UTS2: variants seen among roughly 807,000 people sequenced by gnomAD.
UTS2 encodes urotensin 2, also known as urotensin-2.
In UTS2, 10 loss-of-function variants were observed where a neutral mutation model predicts 12.6. The observed-to-expected ratio is 0.80, with a 90% CI of 0.49 to 1.35. The LOEUF (loss-of-function observed/expected upper bound fraction) is 1.35, where lower values mean the gene tolerates loss of function less well. Ranked by LOEUF, UTS2 falls within the 40% of genes most tolerant of loss-of-function variation. The pLI, the probability that UTS2 is intolerant of heterozygous loss-of-function variation, is 0.00. For synonymous variants in UTS2, 52 were observed against 50.0 expected, an observed-to-expected ratio of 1.04 and a Z score of -0.17; for missense variants, 142 against 143.2, an observed-to-expected ratio of 0.99 and a Z score of 0.04.
the UTS2 span, among the ~76,000 whole-genome samples, chr1:7,893,237 G>T: frequency 2.0e-5 from 3 of 152,212 alleles, no homozygotes; most frequent in Non-Finnish European, 4.4e-5. Context: ...TTTAGGCCGG[G>T]CGCAGTGGCT....
chr1:7,893,053 C>T, the UTS2 span, among the ~76,000 whole-genome samples: 1 of 152,168 alleles, frequency 6.6e-6, no homozygotes, highest in Non-Finnish European at 1.5e-5. Flanking sequence ...ATGCTCCTAG[C>T]TCGTAGCACA....
the UTS2 span, among the ~76,000 whole-genome samples, chr1:7,884,685 A>G: frequency 6.6e-6 from 1 of 152,192 alleles, no homozygotes; most frequent in African/African-American, 2.4e-5. Context: ...AATTAAGAGT[A>G]GCTTCATCCA....
At chr1:7,858,552 G>A in the UTS2 span, among the ~76,000 whole-genome samples, 15 of 152,194 alleles carry the variant, frequency 9.9e-5, 1 homozygote, top group South Asian at 4.1e-4. Context: ...CACGTTTGTC[G>A]TTGTATAATA....
At chr1:7,857,107 TGAAG>T (rs1157152578), upstream of UTS2, among the ~76,000 whole-genome samples, 23 of 125,282 alleles carry the variant, frequency 1.8e-4, no homozygotes, top group Non-Finnish European at 2.9e-4. Flanking sequence ...AGAAAAGGAA[TGAAG>T]GAAGGAAGGA....
At chr1:7,867,121 C>T in the UTS2 span, among the ~76,000 whole-genome samples, 1,370 of 152,250 alleles carry the variant, frequency 9.0e-3, 11 homozygotes, top group Non-Finnish European at 0.015. Flanking sequence ...CCGCCCGCCT[C>T]GGCCTCCCAG....
the UTS2 span, among the ~76,000 whole-genome samples, chr1:7,899,573 C>T: frequency 6.6e-6 from 1 of 152,108 alleles, no homozygotes; most frequent in Non-Finnish European, 1.5e-5. Context: ...GTGGCGTGAT[C>T]ATGACTCACT....
chr1:7,872,171 C>T, the UTS2 span, among the ~76,000 whole-genome samples: 4 of 151,484 alleles, frequency 2.6e-5, no homozygotes, highest in Admixed American at 2.0e-4. Context: ...TGTGGTGGCA[C>T]GCGCCTATAG....
the UTS2 span, among the ~76,000 whole-genome samples, chr1:7,887,701 G>A: frequency 3.9e-4 from 59 of 151,044 alleles, no homozygotes; most frequent in African/African-American, 1.2e-3. Context: ...AAGAGGAGGC[G>A]GAGGTTGCGG....
Position 7,847,721 on chromosome 1 carries a change from C to A in UTS2, c.*45G>T, listed in dbSNP as rs767022757. 2.1e-6 allele frequency: 3 copies of A among 1,439,914 alleles called. No homozygotes were observed. The highest frequency in any genetic ancestry group is 1.8e-4 in the Middle Eastern group (1 of 5,700). The allele number at this position is 1,439,914 out of a possible 1,614,324, so 89.2% of individuals were successfully genotyped here. A position where few individuals can be genotyped will look rare whatever the true frequency, so the allele number is the denominator to read the frequency against. The stretch of plus-strand genomic sequence containing the variant: ...CAAGCATTGTGTTATTTTTCATATT[C>A]TAAGATGGGTGTTTCTGAGCTGACT... On this transcript the variant is annotated 3_prime_UTR_variant, in exon 4 of 4. Transcript: ENST00000361696.
the UTS2 span, among the ~76,000 whole-genome samples, chr1:7,901,457 G>C: frequency 6.6e-6 from 1 of 152,168 alleles, no homozygotes; most frequent in Non-Finnish European, 1.5e-5. Flanking sequence ...AGCATTTACT[G>C]TAAAGGTTTC....
At chr1:7,896,148 C>T in the UTS2 span, among the ~76,000 whole-genome samples, 2 of 152,120 alleles carry the variant, frequency 1.3e-5, no homozygotes, top group East Asian at 1.9e-4. Flanking sequence ...GTTATTTGAA[C>T]TTCAATATCT....
At chr1:7,869,713 C>G in the UTS2 span, among the ~76,000 whole-genome samples, 1 of 152,214 alleles carries the variant, frequency 6.6e-6, no homozygotes, top group African/African-American at 2.4e-5. Context: ...GTCACGCACC[C>G]GAGTGATGGC....
chr1:7,853,815 C>T (rs946536446), upstream of UTS2, among the ~76,000 whole-genome samples: 2 of 152,248 alleles, frequency 1.3e-5, no homozygotes, highest in African/African-American at 4.8e-5. Flanking sequence ...CGACAGGCGT[C>T]CTGAAGTCTG....
At chr1:7,875,652 G>A in the UTS2 span, among the ~76,000 whole-genome samples, 1 of 152,128 alleles carries the variant, frequency 6.6e-6, no homozygotes, top group African/African-American at 2.4e-5. Context: ...TGAGGGCCAA[G>A]GGACTGACCC....
chr1:7,882,748 G>A, the UTS2 span, among the ~76,000 whole-genome samples: 7 of 152,080 alleles, frequency 4.6e-5, no homozygotes, highest in African/African-American at 1.7e-4. Context: ...ATTAAACAGT[G>A]GGCAAGTGAT....
the UTS2 span, among the ~76,000 whole-genome samples, chr1:7,880,821 A>T: frequency 6.6e-6 from 1 of 152,198 alleles, no homozygotes; most frequent in African/African-American, 2.4e-5. Flanking sequence ...CCCTGATACC[A>T]AACCCAGACA....
chr1:7,912,317 C>T, the UTS2 span, among the ~76,000 whole-genome samples: 306 of 152,284 alleles, frequency 2.0e-3, no homozygotes, highest in African/African-American at 6.9e-3. Context: ...CTCCACCAAC[C>T]AGGGCTCAGC....
chr1:7,867,962 C>A, the UTS2 span, among the ~76,000 whole-genome samples: 1 of 152,118 alleles, frequency 6.6e-6, no homozygotes, highest in Non-Finnish European at 1.5e-5. Flanking sequence ...GTTACAGTAG[C>A]CCAAGTGCAC....
chr1:7,854,458 G>A (rs554297859), upstream of UTS2, among the ~76,000 whole-genome samples: 2 of 148,450 alleles, frequency 1.3e-5, no homozygotes, highest in South Asian at 2.1e-4. Flanking sequence ...GCTGCAGTGA[G>A]CCAAGATCGT....
Sources: gnomAD v4.1 joint callset for allele counts (sites outside exome capture counted in the v4.1 genomes callset) on GRCh38, gnomAD v4.1.1 for gene constraint, MANE v1.5 for transcripts, NCBI Gene and HGNC (gene_info 2026-07-23, HGNC 2026-07-21) for gene names.